LUZP2: variants seen among roughly 807,000 people sequenced by gnomAD.
LUZP2 encodes the protein leucine zipper protein 2.
In LUZP2, 52 loss-of-function variants were observed where a neutral mutation model predicts 51.6. The ratio of observed to expected loss-of-function variants is 1.01; its 90% confidence interval spans 0.81 to 1.27. The LOEUF is 1.27. LUZP2 is among the 50% of genes most tolerant of loss of function. LUZP2 has a pLI of 0.00. For missense variants in LUZP2, 436 were observed against 395.4 expected (o/e 1.10, Z -0.87); for synonymous variants, 154 against 137.3 (o/e 1.12, Z -0.85).
intron 1 of LUZP2, among the ~76,000 whole-genome samples, chr11:24,651,147 T>C (rs531779093): frequency 6.6e-6 from 1 of 152,106 alleles, no homozygotes; most frequent in Non-Finnish European, 1.5e-5. Context: ...ATTTATTTTG[T>C]AAACTGTACT....
chr11:24,627,435 C>T (rs377746294), intron 1 of LUZP2, among the ~76,000 whole-genome samples: 2 of 152,084 alleles, frequency 1.3e-5, no homozygotes, highest in Non-Finnish European at 2.9e-5. Context: ...CTTGTCTCCC[C>T]GGAGTGGCAA....
intron 9 of LUZP2, among the ~76,000 whole-genome samples, chr11:25,043,853 TGTC>T (rs1027710601): frequency 4.1e-5 from 6 of 147,410 alleles, no homozygotes; most frequent in East Asian, 2.0e-4. Context: ...CTTTTGTTGT[TGTC>T]ATTTCATTGT....
At chr11:25,037,911 T>G (rs1857915054) in intron 9 of LUZP2, among the ~76,000 whole-genome samples, 1 of 152,048 alleles carries the variant, frequency 6.6e-6, no homozygotes, top group Non-Finnish European at 1.5e-5. Flanking sequence ...TGCCTCCATC[T>G]TGGTGAAATC....
At chr11:24,887,466 A>C (rs1852707551) in intron 5 of LUZP2, among the ~76,000 whole-genome samples, 1 of 152,134 alleles carries the variant, frequency 6.6e-6, no homozygotes, top group South Asian at 2.1e-4. Context: ...GGGTTATTTT[A>C]AGTTTGTTGG....
At chr11:24,537,107 A>G (rs1040936484) in intron 1 of LUZP2, among the ~76,000 whole-genome samples, 20 of 151,886 alleles carry the variant, frequency 1.3e-4, no homozygotes, top group Admixed American at 4.0e-4. Context: ...CAATAGTAAC[A>G]TCAAAGACCA....
intron 1 of LUZP2, among the ~76,000 whole-genome samples, chr11:24,504,642 A>G (rs114662220): frequency 0.011 from 1,633 of 152,302 alleles, 31 homozygotes; most frequent in African/African-American, 0.035. Context: ...ATTACTATAC[A>G]TAGATATGAT....
intron 5 of LUZP2, among the ~76,000 whole-genome samples, chr11:24,869,640 G>A (rs554715445): frequency 6.6e-6 from 1 of 152,134 alleles, no homozygotes; most frequent in African/African-American, 2.4e-5. Context: ...TCTGTGCTTA[G>A]TGAACTTTGA....
chr11:24,711,994 T>C (rs1310961092), intron 1 of LUZP2, among the ~76,000 whole-genome samples: 2 of 152,224 alleles, frequency 1.3e-5, no homozygotes, highest in African/African-American at 4.8e-5. Context: ...GTACTCTGAT[T>C]GATGTATTAT....
At chr11:24,636,822 TA>T (rs1261381010) in intron 1 of LUZP2, among the ~76,000 whole-genome samples, 6 of 151,900 alleles carry the variant, frequency 3.9e-5, no homozygotes, top group African/African-American at 1.5e-4. Flanking sequence ...AAAGCAAGAT[TA>T]AAAATAAAAT....
chr11:24,874,464 G>C (rs1729972632), intron 5 of LUZP2, among the ~76,000 whole-genome samples: 1 of 152,072 alleles, frequency 6.6e-6, no homozygotes, highest in African/African-American at 2.4e-5. Context: ...CCATAACATG[G>C]TTACATAACT....
chr11:25,035,191 T>C (rs1344795171), intron 9 of LUZP2, among the ~76,000 whole-genome samples: 3 of 152,012 alleles, frequency 2.0e-5, no homozygotes, highest in African/African-American at 7.2e-5. Flanking sequence ...GTCAGAGCAA[T>C]CGGGCAAGAG....
intron 9 of LUZP2, among the ~76,000 whole-genome samples, chr11:25,031,832 C>T (rs1565256699): frequency 6.6e-6 from 1 of 151,980 alleles, no homozygotes; most frequent in Non-Finnish European, 1.5e-5. Flanking sequence ...ATTATTTCTT[C>T]TTGGATGTAT....
chr11:24,892,192 G>A, intron 5 of LUZP2: 1 of 985,466 alleles, frequency 1.0e-6, no homozygotes, highest in Non-Finnish European at 1.2e-6. Context: ...ACCTTCTGTG[G>A]TTGTGATCTG....
chr11:24,872,714 G>A (rs1313511964), intron 5 of LUZP2, among the ~76,000 whole-genome samples: 1 of 152,038 alleles, frequency 6.6e-6, no homozygotes, highest in African/African-American at 2.4e-5. Flanking sequence ...TCCAGTATCA[G>A]TGACATATGA....
intron 1 of LUZP2, among the ~76,000 whole-genome samples, chr11:24,512,376 T>C (rs1000028012): frequency 2.0e-5 from 3 of 152,144 alleles, no homozygotes; most frequent in Non-Finnish European, 2.9e-5. Flanking sequence ...GCCAAATAAC[T>C]TATCAAAGTG....
At chr11:24,795,802 CTT>C (rs1259586021) in intron 5 of LUZP2, among the ~76,000 whole-genome samples, 2 of 152,114 alleles carry the variant, frequency 1.3e-5, no homozygotes, top group African/African-American at 4.8e-5. Context: ...CTATCAATCT[CTT>C]GTCTCCAAGT....
At chr11:24,598,533 G>A (rs1192590231) in intron 1 of LUZP2, among the ~76,000 whole-genome samples, 1 of 152,070 alleles carries the variant, frequency 6.6e-6, no homozygotes, top group African/African-American at 2.4e-5. Context: ...AGCAGGTTAG[G>A]TGCAAGTGAA....
intron 7 of LUZP2, among the ~76,000 whole-genome samples, chr11:24,939,087 T>A (rs1488473695): frequency 6.6e-6 from 1 of 152,124 alleles, no homozygotes; most frequent in Non-Finnish European, 1.5e-5. Context: ...TTTTTTAATT[T>A]TAAAATTCTG....
At chr11:24,819,575 T>G (rs1212547107) in intron 5 of LUZP2, among the ~76,000 whole-genome samples, 1 of 152,096 alleles carries the variant, frequency 6.6e-6, no homozygotes, top group African/African-American at 2.4e-5. Context: ...TGAAATATAT[T>G]TTTTACTGCT....
Sources: allele counts gnomAD v4.1 joint callset (sites outside exome capture counted in the v4.1 genomes callset), GRCh38; gene constraint gnomAD v4.1.1; transcripts MANE v1.5; gene names NCBI Gene and HGNC (gene_info 2026-07-23, HGNC 2026-07-21).